The following PIEZO2 variants were observed in gnomAD, a reference collection of about 807,000 sequenced individuals.
PIEZO2 encodes piezo type mechanosensitive ion channel component 2, also known as piezo-type mechanosensitive ion channel component 2.
A neutral mutation model predicts 337.3 loss-of-function variants in PIEZO2; 172 were observed. The observed-to-expected ratio is 0.51, with a 90% CI of 0.45 to 0.58. The LOEUF (loss-of-function observed/expected upper bound fraction) is 0.58, where lower values mean the gene tolerates loss of function less well. Among genes scored for constraint, PIEZO2 ranks in the 20% least tolerant of loss-of-function variants. The pLI is 0.00. For missense variants in PIEZO2, 3,028 were observed against 3,391.3 expected, an observed-to-expected ratio of 0.89 and a Z score of 2.66; for synonymous variants, 1,251 against 1,228.5, an observed-to-expected ratio of 1.02 and a Z score of -0.38.
At chr18:11,073,730 G>A (rs1335546062) in intron 1 of PIEZO2, among the ~76,000 whole-genome samples, 3 of 152,086 alleles carry the variant, frequency 2.0e-5, no homozygotes, top group African/African-American at 4.8e-5. Context: ...CCAAAACTAC[G>A]AGAGCTTTAA....
chr18:10,761,287 T>C (rs1255926710), intron 23 of PIEZO2, among the ~76,000 whole-genome samples, 176 bp from the exon 24 acceptor site: 2 of 152,242 alleles, frequency 1.3e-5, no homozygotes, highest in Non-Finnish European at 2.9e-5. Context: ...GCATTATCTA[T>C]ATTAGAAAAT....
chr18:11,064,052 G>C (rs956022987), intron 2 of PIEZO2, among the ~76,000 whole-genome samples: 2 of 151,850 alleles, frequency 1.3e-5, no homozygotes, highest in African/African-American at 4.8e-5. Flanking sequence ...GAAAGTCCTC[G>C]CATAAATCTC....
At chr18:10,858,987 G>A (rs1232500842) in intron 5 of PIEZO2, among the ~76,000 whole-genome samples, 1 of 152,190 alleles carries the variant, frequency 6.6e-6, no homozygotes, top group Non-Finnish European at 1.5e-5. Flanking sequence ...TATATAGGAA[G>A]AGATATAGCA....
At chr18:11,008,162 A>G (rs2035784822) in intron 2 of PIEZO2, among the ~76,000 whole-genome samples, 1 of 152,116 alleles carries the variant, frequency 6.6e-6, no homozygotes, top group Admixed American at 6.5e-5. Context: ...AATTCATTGA[A>G]TTTGGAAATG....
chr18:10,958,301 C>T (rs2033625749), intron 3 of PIEZO2, among the ~76,000 whole-genome samples: 1 of 151,936 alleles, frequency 6.6e-6, no homozygotes, highest in South Asian at 2.1e-4. Flanking sequence ...TAAAAAAGTC[C>T]ATCTCATAGA....
Position 11,028,835 on chromosome 18 carries a change from A to G in PIEZO2, c.160+37292T>C, listed in dbSNP as rs1014879146. The stretch of plus-strand genomic sequence containing the variant: ...GTGCTTGGTACTCTATATAATACCT[A>G]TTGACTCACTTCTTCAGCAAATATT... On this transcript the variant is annotated intron_variant, in intron 2 of 55. Coordinates refer to ENST00000674853, the MANE Select transcript of PIEZO2 (RefSeq NM_001378183.1). This position sits in a 1 kb window ranked among gnomAD's most constrained non-coding sequence, Gnocchi z 4.8. Among the ~76,000 whole-genome samples, 6 of 152,094 alleles carry G rather than the reference A, an allele frequency of 3.9e-5. No individual in the cohort carries two copies. The East Asian group carries it at 5.8e-4, about 15-fold the overall frequency.
chr18:10,759,637 T>G lies in PIEZO2; in HGVS notation c.3656-54A>C, dbSNP rs1433488399. ...AATCAATACTCTTCTTCACCACTCT[T>G]CTCCCAGCCGTCCGCTCAGTAATGG... On this transcript the variant is annotated intron_variant, in intron 25 of 55. Coordinates refer to ENST00000674853, the MANE Select transcript of PIEZO2 (RefSeq NM_001378183.1). The surrounding 1 kb of genome is among the most constrained non-coding windows in gnomAD (Gnocchi z 5.5). The G allele has an allele frequency of 6.5e-6, 10 of 1,535,202 alleles. No individual in the cohort carries two copies. In the Admixed American group the frequency reaches 1.6e-4, roughly 24 times the overall value.
chr18:10,817,725 C>A lies in PIEZO2; in HGVS notation c.918-10451G>T, dbSNP rs2040404146. On this transcript the variant is annotated intron_variant, in intron 7 of 55. Transcript: ENST00000674853. Reference sequence around the variant, plus strand: ...GTTCACGAGGTCAGGAGATAGAGACCATCCTGGCTAACACAGTGAAACCCA... The same window carrying A: ...GTTCACGAGGTCAGGAGATAGAGACAATCCTGGCTAACACAGTGAAACCCA... Among the ~76,000 whole-genome samples, 3 of 151,946 alleles carry A rather than the reference C, an allele frequency of 2.0e-5. No individual in the cohort carries two copies. The South Asian group carries it at 6.2e-4, about 32-fold the overall frequency.
At chr18:11,063,162 T>G (rs1458190952) in intron 2 of PIEZO2, among the ~76,000 whole-genome samples, 1 of 151,780 alleles carries the variant, frequency 6.6e-6, no homozygotes, top group Non-Finnish European at 1.5e-5. Context: ...ACCATCATTC[T>G]CAGCAAACTA....
intron 34 of PIEZO2, among the ~76,000 whole-genome samples, 90 bp from the exon 35 acceptor site, chr18:10,735,420 A>G (rs1259221235): frequency 6.6e-6 from 1 of 152,200 alleles, no homozygotes; most frequent in Admixed American, 6.5e-5. Flanking sequence ...TTGTCTCTAC[A>G]GTTACACCAA....
At chr18:10,931,841 C>T (rs2032109451) in intron 3 of PIEZO2, among the ~76,000 whole-genome samples, 1 of 152,078 alleles carries the variant, frequency 6.6e-6, no homozygotes, top group Admixed American at 6.6e-5. Flanking sequence ...TAATGGCCAC[C>T]AACCATTTCA....
At position 11,031,135 on chromosome 18, in the gene PIEZO2, G is replaced by T. The variant is rs958765152; in HGVS notation, c.160+34992C>A. The stretch of plus-strand genomic sequence containing the variant: ...CTCTCGAGTTTCTGGGACTACAGGC[G>T]CCTGCCACCATGCCTGGCTAATTTT... On this transcript the variant is annotated intron_variant, in intron 2 of 55. Transcript: ENST00000674853. The surrounding 1 kb of genome is among the most constrained non-coding windows in gnomAD (Gnocchi z 4.7). Among the ~76,000 whole-genome samples, 2 of 150,908 alleles carry T rather than the reference G, an allele frequency of 1.3e-5. No individual in the cohort carries two copies. Among genetic ancestry groups the T allele is most frequent in the Non-Finnish European group, 2.9e-5 (2 of 67,864 alleles).
intron 7 of PIEZO2, among the ~76,000 whole-genome samples, chr18:10,840,063 T>C (rs2041144028): frequency 6.6e-6 from 1 of 152,196 alleles, no homozygotes; most frequent in Non-Finnish European, 1.5e-5. Context: ...CCAAGAAATA[T>C]TGTGGTAGCA....
chr18:10,681,801 T>C, intron 50 of PIEZO2, 48 bp from the exon 51 acceptor site: 1 of 1,454,682 alleles, frequency 6.9e-7, no homozygotes, highest in Non-Finnish European at 9.6e-7. Context: ...AGCTCTTCTC[T>C]GCATCCTGAG....
At position 10,727,392 on chromosome 18, in the gene PIEZO2, C is replaced by G. The variant is rs1418257208; in HGVS notation, c.5029+4015G>C. 1 of 154,106 alleles carries G rather than the reference C, an allele frequency of 6.5e-6. No individual in the cohort carries two copies. The highest frequency in any genetic ancestry group is 2.4e-5 in the African/African-American group (1 of 41,426). The allele number at this position is 154,106 out of a possible 1,614,324, so 9.5% of individuals were successfully genotyped here. Reference sequence around the variant, plus strand: ...ACTGGGTCCTGGTGGGGGTCGGGATCCCTTCTCCTGGGGTGATTGATGGCC... The same window carrying G: ...ACTGGGTCCTGGTGGGGGTCGGGATGCCTTCTCCTGGGGTGATTGATGGCC... On this transcript the variant is annotated intron_variant, in intron 36 of 55. Coordinates refer to ENST00000674853, the MANE Select transcript of PIEZO2 (RefSeq NM_001378183.1). The surrounding 1 kb of genome is among the most constrained non-coding windows in gnomAD (Gnocchi z 6.3).
intron 7 of PIEZO2, among the ~76,000 whole-genome samples, chr18:10,844,571 G>A (rs1014861296): frequency 2.0e-5 from 3 of 152,014 alleles, no homozygotes; most frequent in Non-Finnish European, 2.9e-5. Flanking sequence ...GGTGGATCAC[G>A]AGGTCAGGAG....
chr18:10,932,797 G>A (rs1166189155), intron 3 of PIEZO2, among the ~76,000 whole-genome samples: 1 of 151,974 alleles, frequency 6.6e-6, no homozygotes, highest in African/African-American at 2.4e-5. Context: ...GATGGTGCAA[G>A]CCTGTCATCC....
intron 3 of PIEZO2, among the ~76,000 whole-genome samples, chr18:10,978,093 C>G (rs2034517919): frequency 6.6e-6 from 1 of 152,082 alleles, no homozygotes; most frequent in South Asian, 2.1e-4. Flanking sequence ...GAGGCCGAGG[C>G]AGGCGGATCA....
intron 3 of PIEZO2, among the ~76,000 whole-genome samples, chr18:10,965,234 G>A (rs942635444): frequency 1.3e-5 from 2 of 152,194 alleles, no homozygotes; most frequent in African/African-American, 4.8e-5. Flanking sequence ...CTGGGTGTAT[G>A]ATTTTCATTC....
Sources: gnomAD v4.1 joint callset for allele counts (sites outside exome capture counted in the v4.1 genomes callset) on GRCh38, gnomAD v4.1.1 for gene constraint, Gnocchi (gnomAD v3.1) non-coding constraint, MANE v1.5 for transcripts, NCBI Gene and HGNC (gene_info 2026-07-23, HGNC 2026-07-21) for gene names.